Variants in PRKCZ observed in about 807,000 individuals in gnomAD.
The protein encoded by PRKCZ is protein kinase C zeta type.
A neutral mutation model predicts 79.5 loss-of-function variants in PRKCZ; 33 were observed. The ratio of observed to expected loss-of-function variants is 0.41; its 90% CI spans 0.31 to 0.55. The LOEUF (loss-of-function observed/expected upper bound fraction) is 0.55, where lower values mean the gene tolerates loss of function less well. Among genes scored for constraint, PRKCZ ranks in the 20% least tolerant of loss-of-function variants. PRKCZ has a pLI of 0.19. For missense variants in PRKCZ, 578 were observed against 813.5 expected (o/e 0.71, Z 3.52); for synonymous variants, 342 against 320.9 (o/e 1.07, Z -0.70).
At chr1:2,104,622 G>A in intron 4 of PRKCZ, 2 of 931,106 alleles carry the variant, frequency 2.1e-6, no homozygotes, top group Non-Finnish European at 2.6e-6. Flanking sequence ...AGGCCCTGGG[G>A]TGGAGCCCAG....
rs59518072 is a variant in PRKCZ at position 2,120,293 on chromosome 1, G to GTTTTTTTTTTTTTTT, written c.335-14954_335-14940dup. On this transcript the variant is annotated intron_variant, in intron 4 of 17. Coordinates refer to ENST00000378567, the MANE Select transcript of PRKCZ (RefSeq NM_002744.6). ...GGAAAATATCAGCCCTTGACTTTTCGTTTTTTTTTTTTTTTTTTTTTTTTT... is the reference window on the plus strand; with the variant it reads ...GGAAAATATCAGCCCTTGACTTTTCGTTTTTTTTTTTTTTTTTTTTTTTTTTTTTTTTTTTTTTTT... Among the ~76,000 whole-genome samples, 8 of 32,842 alleles carry GTTTTTTTTTTTTTTT rather than the reference G, an allele frequency of 2.4e-4. 2 individuals carry two copies. Among genetic ancestry groups the GTTTTTTTTTTTTTTT allele is most frequent in the Non-Finnish European group, 4.6e-4 (8 of 17,460 alleles). The allele number at this position is 32,842 out of a possible 152,430, so 21.5% of individuals were successfully genotyped here.
At position 2,063,974 on chromosome 1, in the gene PRKCZ, T is replaced by C. The variant is rs368424407; in HGVS notation, c.334+4383T>C. On this transcript the variant is annotated intron_variant, in intron 4 of 17. Coordinates refer to ENST00000378567, the MANE Select transcript of PRKCZ (RefSeq NM_002744.6). ...GATTCTCCTGTCTCAGCCTCCTGAG[T>C]AGCTGGGATTACAGGCACCCGCCAC... 4.6e-4 allele frequency among the ~76,000 whole-genome samples: 70 copies of C among 152,010 alleles called. No individual in the cohort carries two copies. The South Asian group carries it at 0.014, about 31-fold the overall frequency.
At chr1:2,183,218 G>A (rs1049639323) in intron 16 of PRKCZ, among the ~76,000 whole-genome samples, 2 of 103,498 alleles carry the variant, frequency 1.9e-5, no homozygotes, top group Non-Finnish European at 1.9e-5. Context: ...GAGACAGAGC[G>A]AGTCTCAAAA....
At chr1:2,137,041 C>T (rs3128295) in intron 5 of PRKCZ, among the ~76,000 whole-genome samples, 103,473 of 151,934 alleles carry the variant, frequency 0.68, 35,805 homozygotes, top group African/African-American at 0.82. Flanking sequence ...AAGAAGCCAG[C>T]AGTGGCTCAC....
At chr1:2,102,547 T>C (rs1199760474) in intron 4 of PRKCZ, among the ~76,000 whole-genome samples, 3 of 152,050 alleles carry the variant, frequency 2.0e-5, no homozygotes, top group Non-Finnish European at 2.9e-5. Flanking sequence ...TTAGCCGGGA[T>C]GGTCTCGATC....
chr1:2,053,994 C>T (rs1659927177), intron 1 of PRKCZ, among the ~76,000 whole-genome samples: 1 of 152,124 alleles, frequency 6.6e-6, no homozygotes, highest in African/African-American at 2.4e-5. Flanking sequence ...TCCCCCAGGC[C>T]CAGGTGGCCC....
At chr1:2,133,066 G>A (rs370399650) in intron 4 of PRKCZ, among the ~76,000 whole-genome samples, 1 of 152,206 alleles carries the variant, frequency 6.6e-6, no homozygotes, top group East Asian at 1.9e-4. Flanking sequence ...CCTGCTGGAG[G>A]CTCCCTGATG....
intron 4 of PRKCZ, among the ~76,000 whole-genome samples, chr1:2,101,388 G>A (rs1310787197): frequency 6.6e-6 from 1 of 152,186 alleles, no homozygotes; most frequent in Non-Finnish European, 1.5e-5. Flanking sequence ...GATGTCCCCC[G>A]GCCCCCAGCC....
At chr1:2,095,379 G>A (rs1557545839) in intron 4 of PRKCZ, among the ~76,000 whole-genome samples, 2 of 152,106 alleles carry the variant, frequency 1.3e-5, no homozygotes, top group Non-Finnish European at 2.9e-5. Context: ...AGGTGGGCAC[G>A]GCACACGTGA....
intron 4 of PRKCZ, among the ~76,000 whole-genome samples, chr1:2,090,027 G>A (rs1021090901): frequency 1.3e-5 from 2 of 152,294 alleles, no homozygotes; most frequent in African/African-American, 2.4e-5. Flanking sequence ...TGGTGGAGCC[G>A]TCTCTTCTTC....
intron 4 of PRKCZ, among the ~76,000 whole-genome samples, chr1:2,119,189 T>C (rs910930901): frequency 1.3e-5 from 2 of 151,720 alleles, no homozygotes; most frequent in Admixed American, 6.6e-5. Context: ...CAAAACCTTA[T>C]AACAGTTTAA....
intron 4 of PRKCZ, among the ~76,000 whole-genome samples, chr1:2,079,799 C>T (rs1663138711): frequency 6.6e-6 from 1 of 152,078 alleles, no homozygotes; most frequent in African/African-American, 2.4e-5. Flanking sequence ...CTTCCTGGGC[C>T]CCTGGTGACC....
At chr1:2,102,588 T>C (rs970189911) in intron 4 of PRKCZ, among the ~76,000 whole-genome samples, 1 of 152,204 alleles carries the variant, frequency 6.6e-6, no homozygotes, top group African/African-American at 2.4e-5. Context: ...CGCCTTGGCC[T>C]CCCAAAGTGC....
intron 4 of PRKCZ, among the ~76,000 whole-genome samples, chr1:2,119,725 G>A (rs1265989600): frequency 6.6e-6 from 1 of 151,948 alleles, no homozygotes; most frequent in Non-Finnish European, 1.5e-5. Context: ...TCTGCCTGAA[G>A]TAGTCCCTTT....
At chr1:2,131,710 C>G (rs1401138) in intron 4 of PRKCZ, among the ~76,000 whole-genome samples, 1 of 152,150 alleles carries the variant, frequency 6.6e-6, no homozygotes, top group South Asian at 2.1e-4. Flanking sequence ...TGTCCCCCGC[C>G]GCTGCTAGCC....
At chr1:2,157,152 C>T (rs1373487620) in intron 10 of PRKCZ, among the ~76,000 whole-genome samples, 2 of 152,222 alleles carry the variant, frequency 1.3e-5, no homozygotes, top group South Asian at 2.1e-4. Flanking sequence ...GTCAGGGAAA[C>T]GCAGCCTTCC....
intron 16 of PRKCZ, among the ~76,000 whole-genome samples, chr1:2,179,950 G>T (rs1553178849): frequency 1.3e-5 from 2 of 152,230 alleles, no homozygotes; most frequent in South Asian, 4.1e-4. Context: ...GGCCCACAGA[G>T]AGATGGCTGG....
At chr1:2,049,673 AG>A (rs1176269925), upstream of PRKCZ, 1 of 152,522 alleles carries the variant, frequency 6.6e-6, no homozygotes, top group African/African-American at 2.4e-5. Flanking sequence ...TGGGCTGATC[AG>A]GGAAAACCGT....
chr1:2,169,643 A>T, intron 11 of PRKCZ, 39 bp downstream of exon 11: 22 of 748,260 alleles, frequency 2.9e-5, no homozygotes, highest in Admixed American at 3.7e-5. Context: ...GTGCGCCCGG[A>T]GTTGGGGATG....
Sources: gnomAD v4.1 joint callset for allele counts (sites outside exome capture counted in the v4.1 genomes callset) on GRCh38, gnomAD v4.1.1 for gene constraint, MANE v1.5 for transcripts, NCBI Gene and HGNC (gene_info 2026-07-23, HGNC 2026-07-21) for gene names.